The following CELF2 variants were observed in gnomAD, a reference collection of about 807,000 sequenced individuals.
CELF2 encodes CUGBP Elav-like family member 2, also known as CUG triplet repeat RNA-binding protein 2.
Under a neutral mutation model 62.6 loss-of-function variants are expected in CELF2, and 8 were observed. The ratio of observed to expected loss-of-function variants is 0.13; its 90% confidence interval spans 0.07 to 0.23. CELF2 has a LOEUF of 0.23. CELF2 is among the 10% of genes least tolerant of loss of function. The pLI, the probability that CELF2 is intolerant of heterozygous loss-of-function variation, is 1.00. For missense variants in CELF2, 333 were observed against 671.0 expected, an observed-to-expected ratio of 0.50 and a Z score of 5.56; for synonymous variants, 258 against 250.0, an observed-to-expected ratio of 1.03 and a Z score of -0.30.
chr10:10,919,200 G>A (rs2134637315), intron 1 of CELF2, among the ~76,000 whole-genome samples: 1 of 152,186 alleles, frequency 6.6e-6, no homozygotes, highest in East Asian at 1.9e-4. Context: ...AACCCAGGAG[G>A]CAGAGTTTGC....
At chr10:10,891,415 A>C (rs1428153821) in intron 1 of CELF2, among the ~76,000 whole-genome samples, 2 of 152,044 alleles carry the variant, frequency 1.3e-5, no homozygotes, top group Non-Finnish European at 2.9e-5. Context: ...CTCTTTCATC[A>C]TCATCATTAT....
the CELF2 span, among the ~76,000 whole-genome samples, chr10:10,753,987 G>A: frequency 6.7e-6 from 1 of 148,822 alleles, no homozygotes; most frequent in Admixed American, 6.8e-5. Flanking sequence ...CCTGCTTGTT[G>A]AGACATGTTT....
intron 1 of CELF2, among the ~76,000 whole-genome samples, chr10:11,107,938 C>T (rs965181490): frequency 1.6e-5 from 2 of 124,366 alleles, no homozygotes; most frequent in East Asian, 4.7e-4. Flanking sequence ...CTTCCTGTCC[C>T]CCATCCCGTC....
intron 2 of CELF2, among the ~76,000 whole-genome samples, chr10:10,967,104 G>A (rs543868784): frequency 1.3e-4 from 20 of 152,306 alleles, no homozygotes; most frequent in South Asian, 4.2e-4. Flanking sequence ...CGGAGACTCC[G>A]GTGCTGCCAC....
At chr10:11,282,353 C>G (rs148746112) in intron 8 of CELF2, among the ~76,000 whole-genome samples, 163 of 152,290 alleles carry the variant, frequency 1.1e-3, no homozygotes, top group African/African-American at 3.6e-3. Flanking sequence ...GGGCGGGGCT[C>G]TCTCAGGGAG....
At chr10:10,736,760 A>G in the CELF2 span, among the ~76,000 whole-genome samples, 3 of 152,114 alleles carry the variant, frequency 2.0e-5, no homozygotes, top group East Asian at 5.8e-4. Context: ...GGACTCAGAT[A>G]CCAAGAGGTT....
chr10:11,327,832 C>G (rs1272172048), intron 12 of CELF2, among the ~76,000 whole-genome samples: 1 of 152,208 alleles, frequency 6.6e-6, no homozygotes. Flanking sequence ...CCTCTTCTTC[C>G]TCCTCTAGTT....
At chr10:10,744,002 T>C in the CELF2 span, among the ~76,000 whole-genome samples, 2 of 152,252 alleles carry the variant, frequency 1.3e-5, no homozygotes, top group African/African-American at 4.8e-5. Context: ...CTTTATGTTG[T>C]GTTCTACCCA....
chr10:10,849,986 C>T (rs183178316), intron 1 of CELF2, among the ~76,000 whole-genome samples: 4 of 144,984 alleles, frequency 2.8e-5, no homozygotes, highest in Non-Finnish European at 3.1e-5. Flanking sequence ...ACTAAAAATA[C>T]GAAAAAAAAA....
intron 2 of CELF2, among the ~76,000 whole-genome samples, chr10:11,205,352 C>T (rs2060195934): frequency 6.6e-6 from 1 of 152,200 alleles, no homozygotes; most frequent in South Asian, 2.1e-4. Context: ...CCCTTACCTG[C>T]CTCAAAGGGA....
chr10:10,545,496 G>A, the CELF2 span, among the ~76,000 whole-genome samples: 1 of 152,230 alleles, frequency 6.6e-6, no homozygotes, highest in African/African-American at 2.4e-5. Context: ...TAATGACAAA[G>A]ATGCCCCTTA....
intron 1 of CELF2, among the ~76,000 whole-genome samples, chr10:11,045,499 A>G (rs1021224452): frequency 6.6e-6 from 1 of 152,144 alleles, no homozygotes; most frequent in Non-Finnish European, 1.5e-5. Flanking sequence ...GCTACCCTCT[A>G]AGTTTGTGTG....
chr10:10,814,220 A>AAT (rs1253903267), intron 1 of CELF2, among the ~76,000 whole-genome samples: 1 of 144,938 alleles, frequency 6.9e-6, no homozygotes, highest in Non-Finnish European at 1.5e-5. Flanking sequence ...GTCCTAAAAA[A>AAT]AAAAAAAAAA....
intron 1 of CELF2, among the ~76,000 whole-genome samples, chr10:11,078,494 G>T (rs537539330): frequency 6.6e-6 from 1 of 152,092 alleles, no homozygotes; most frequent in Admixed American, 6.6e-5. Flanking sequence ...TCATTTTAAT[G>T]CTTGACCCAT....
chr10:11,142,059 A>G (rs2061433912), intron 1 of CELF2, among the ~76,000 whole-genome samples: 1 of 152,222 alleles, frequency 6.6e-6, no homozygotes, highest in African/African-American at 2.4e-5. Flanking sequence ...CCACTTGTTA[A>G]GTAATACCTT....
the CELF2 span, among the ~76,000 whole-genome samples, chr10:10,597,062 AC>A: frequency 3.3e-5 from 5 of 152,162 alleles, no homozygotes; most frequent in Non-Finnish European, 7.3e-5. Flanking sequence ...CTGTGTGCTT[AC>A]CCCCAGGACA....
At chr10:10,944,134 G>A (rs1250105730) in intron 2 of CELF2, 2 of 152,620 alleles carry the variant, frequency 1.3e-5, no homozygotes, top group African/African-American at 4.8e-5. Context: ...CTGATCTGCA[G>A]TGTCCCTACC....
At chr10:10,668,556 T>C in the CELF2 span, among the ~76,000 whole-genome samples, 1 of 152,358 alleles carries the variant, frequency 6.6e-6, no homozygotes, top group Middle Eastern at 3.4e-3. Context: ...AGACACTTAA[T>C]ATCGTATTGA....
At chr10:10,843,689 A>G (rs1018089058) in intron 1 of CELF2, among the ~76,000 whole-genome samples, 3 of 152,034 alleles carry the variant, frequency 2.0e-5, no homozygotes, top group African/African-American at 7.2e-5. Flanking sequence ...AAAGTTGGCC[A>G]TGCTGTTCAG....
Sources: allele counts gnomAD v4.1 joint callset (sites outside exome capture counted in the v4.1 genomes callset), GRCh38; gene constraint gnomAD v4.1.1; transcripts MANE v1.5; gene names NCBI Gene and HGNC (gene_info 2026-07-23, HGNC 2026-07-21).